LYPLAL1: variants seen among roughly 807,000 people sequenced by gnomAD.
LYPLAL1 encodes lysophospholipase like 1.
A neutral mutation model predicts 19.7 loss-of-function variants in LYPLAL1; 23 were observed. The observed-to-expected ratio is 1.17, with a 90% CI of 0.84 to 1.65. The LOEUF (loss-of-function observed/expected upper bound fraction) is 1.65, where lower values mean the gene tolerates loss of function less well. Ranked by LOEUF, LYPLAL1 falls within the 40% of genes most tolerant of loss-of-function variation. LYPLAL1 has a pLI of 0.00. For synonymous variants in LYPLAL1, 119 were observed against 96.3 expected (o/e 1.24, Z -1.38); for missense variants, 355 against 279.4 (o/e 1.27, Z -1.93).
At chr1:219,330,794 C>T in the LYPLAL1 span, among the ~76,000 whole-genome samples, 1 of 152,296 alleles carries the variant, frequency 6.6e-6, no homozygotes, top group African/African-American at 2.4e-5. Flanking sequence ...TCATTCTTTG[C>T]GTTCGCATCT....
intron 4 of LYPLAL1, 109 bp downstream of exon 4, chr1:219,210,756 GTT>G (rs1363186449): frequency 1.0e-6 from 1 of 984,356 alleles, no homozygotes; most frequent in African/African-American, 1.6e-5. Context: ...TTGATGCACA[GTT>G]GATATGGATT....
chr1:219,415,336 G>A, the LYPLAL1 span, among the ~76,000 whole-genome samples: 11 of 152,198 alleles, frequency 7.2e-5, no homozygotes, highest in Non-Finnish European at 1.3e-4. Flanking sequence ...TGAAGCAAGA[G>A]GAAGAAATCC....
At chr1:219,391,651 TAA>T in the LYPLAL1 span, among the ~76,000 whole-genome samples, 1 of 152,198 alleles carries the variant, frequency 6.6e-6, no homozygotes, top group Non-Finnish European at 1.5e-5. Context: ...AAGATTTTTT[TAA>T]GAGTTCTGTG....
chr1:219,419,479 G>A, the LYPLAL1 span, among the ~76,000 whole-genome samples: 5 of 150,704 alleles, frequency 3.3e-5, no homozygotes, highest in African/African-American at 1.2e-4. Context: ...TGATGATTTG[G>A]CTTGTGCTCT....
chr1:219,201,640 G>A (rs555461995), intron 3 of LYPLAL1, among the ~76,000 whole-genome samples: 86 of 152,164 alleles, frequency 5.7e-4, no homozygotes, highest in African/African-American at 2.0e-3. Flanking sequence ...GCTAATTAAT[G>A]TCTATAAAGC....
At chr1:219,332,436 G>A in the LYPLAL1 span, among the ~76,000 whole-genome samples, 1 of 152,114 alleles carries the variant, frequency 6.6e-6, no homozygotes, top group South Asian at 2.1e-4. Context: ...AGTAATCCCT[G>A]CTGTGTTGCT....
chr1:219,360,029 A>G, the LYPLAL1 span, among the ~76,000 whole-genome samples: 3 of 152,204 alleles, frequency 2.0e-5, no homozygotes, highest in Non-Finnish European at 2.9e-5. Context: ...CAGAACTTTC[A>G]TGTATCCCGA....
chr1:219,258,485 C>CT, the LYPLAL1 span, among the ~76,000 whole-genome samples: 2 of 152,138 alleles, frequency 1.3e-5, no homozygotes, highest in East Asian at 3.9e-4. Context: ...ATATTTTCCT[C>CT]TACCTTTTTA....
At chr1:219,197,452 A>G (rs189751098) in intron 3 of LYPLAL1, among the ~76,000 whole-genome samples, 89 of 152,180 alleles carry the variant, frequency 5.8e-4, no homozygotes, top group Middle Eastern at 3.4e-3. Flanking sequence ...TGGACCCCTT[A>G]CTTACACCTT....
At chr1:219,246,450 G>C in the LYPLAL1 span, among the ~76,000 whole-genome samples, 2 of 152,088 alleles carry the variant, frequency 1.3e-5, no homozygotes, top group Non-Finnish European at 2.9e-5. Context: ...GAACATGAGA[G>C]GAGAGGAAAA....
the LYPLAL1 span, among the ~76,000 whole-genome samples, chr1:219,330,352 T>C: frequency 6.6e-6 from 1 of 152,176 alleles, no homozygotes; most frequent in African/African-American, 2.4e-5. Flanking sequence ...AAAAATATTT[T>C]AAATCCAAAC....
downstream of LYPLAL1, among the ~76,000 whole-genome samples, chr1:219,213,667 G>A (rs1268613721): frequency 2.6e-5 from 4 of 151,848 alleles, no homozygotes; most frequent in Non-Finnish European, 4.4e-5. Context: ...TTTATTTTGC[G>A]ATTGATTATA....
At chr1:219,213,720 C>T (rs540172194), downstream of LYPLAL1, among the ~76,000 whole-genome samples, 1 of 152,118 alleles carries the variant, frequency 6.6e-6, no homozygotes, top group South Asian at 2.1e-4. Flanking sequence ...CCTTTGCTAG[C>T]ATATTGAATC....
At position 219,212,418 on chromosome 1, in the gene LYPLAL1, A is replaced by T. The variant is rs1345416222; in HGVS notation, c.*690A>T. On this transcript the variant is annotated 3_prime_UTR_variant, in exon 5 of 5. Transcript: ENST00000366928. ...GATTTTTGTTGAGATTTAAATAAAT[A>T]GCCAAAAGCCAATACATAATAAACA... 6.6e-6 allele frequency: 1 copy of T among 152,076 alleles called. No homozygotes were observed. The highest frequency in any genetic ancestry group is 1.5e-5 in the Non-Finnish European group (1 of 67,958). The allele number at this position is 152,076 out of a possible 1,614,324, so 9.4% of individuals were successfully genotyped here.
chr1:219,175,013 C>T, intron 1 of LYPLAL1: 4 of 985,254 alleles, frequency 4.1e-6, no homozygotes, highest in Non-Finnish European at 4.8e-6. Context: ...GTCTTTGAGC[C>T]GAGACGGGTA....
At chr1:219,321,855 C>G in the LYPLAL1 span, among the ~76,000 whole-genome samples, 1 of 152,086 alleles carries the variant, frequency 6.6e-6, no homozygotes, top group Non-Finnish European at 1.5e-5. Context: ...AACGGCACAC[C>G]CTTTTTTACT....
chr1:219,337,295 CTAT>C, the LYPLAL1 span, among the ~76,000 whole-genome samples: 1 of 151,872 alleles, frequency 6.6e-6, no homozygotes, highest in Non-Finnish European at 1.5e-5. Flanking sequence ...TTTTGGAGGG[CTAT>C]TATTCCATCT....
chr1:219,214,824 G>C (rs1226039654), downstream of LYPLAL1, among the ~76,000 whole-genome samples: 1 of 151,434 alleles, frequency 6.6e-6, no homozygotes, highest in East Asian at 1.9e-4. Flanking sequence ...CAAGTAGCTG[G>C]GATTACATGC....
the LYPLAL1 span, among the ~76,000 whole-genome samples, chr1:219,238,816 G>A: frequency 6.6e-6 from 1 of 152,048 alleles, no homozygotes; most frequent in African/African-American, 2.4e-5. Flanking sequence ...AATAAAACAA[G>A]ATAATTGGAC....
Sources: gnomAD v4.1 joint callset for allele counts (sites outside exome capture counted in the v4.1 genomes callset) on GRCh38, gnomAD v4.1.1 for gene constraint, MANE v1.5 for transcripts, NCBI Gene and HGNC (gene_info 2026-07-23, HGNC 2026-07-21) for gene names.